Variants in LMO4 observed in about 807,000 individuals in gnomAD.
LMO4 encodes LIM domain transcription factor LMO4.
LMO4 carries 3 observed loss-of-function variants against 18.5 expected under a neutral mutation model. That is an observed-to-expected ratio of 0.16 (90% confidence interval 0.07 to 0.42). The LOEUF is 0.42. Among genes scored for constraint, LMO4 ranks in the 10% least tolerant of loss-of-function variants. The pLI, the probability that LMO4 is intolerant of heterozygous loss-of-function variation, is 0.99. For synonymous variants in LMO4, 100 were observed against 88.1 expected (o/e 1.14, Z -0.76); for missense variants, 121 against 219.9 (o/e 0.55, Z 2.84).
At chr1:87,332,960 C>T (rs553016226) in intron 2 of LMO4, among the ~76,000 whole-genome samples, 28 of 152,038 alleles carry the variant, frequency 1.8e-4, no homozygotes, top group Non-Finnish European at 3.1e-4. Context: ...GAAGCATGTT[C>T]AGGTTTTGGG....
chr1:87,336,928 C>T (rs931796602), intron 2 of LMO4, among the ~76,000 whole-genome samples: 6 of 152,086 alleles, frequency 3.9e-5, no homozygotes, highest in African/African-American at 1.2e-4. Flanking sequence ...TCCGGACAGT[C>T]CCCCTGGTTA....
chr1:87,340,879 A>G (rs780648334), intron 4 of LMO4, among the ~76,000 whole-genome samples: 1 of 152,234 alleles, frequency 6.6e-6, no homozygotes, highest in Non-Finnish European at 1.5e-5. Context: ...TCCTTGTACC[A>G]GAATTAAAAA....
chr1:87,333,725 A>C (rs1461401241), intron 2 of LMO4, among the ~76,000 whole-genome samples: 1 of 152,210 alleles, frequency 6.6e-6, no homozygotes, highest in Non-Finnish European at 1.5e-5. Context: ...TAATTTCACT[A>C]AGTGTTCTTT....
rs1650667487 is a variant in LMO4, at chr1:87,347,441, CA to C, written c.*2647del. The C allele has an allele frequency of 6.6e-6, 1 of 151,948 alleles. No individual in the cohort carries two copies. Among genetic ancestry groups the C allele is most frequent in the Non-Finnish European group, 1.5e-5 (1 of 67,994 alleles). The allele number at this position is 151,948 out of a possible 1,614,324, so 9.4% of individuals were successfully genotyped here. On this transcript the variant is annotated 3_prime_UTR_variant, in exon 5 of 5. Coordinates refer to ENST00000370544, the MANE Select transcript of LMO4 (RefSeq NM_006769.4). ...CAGCGATTGTGTGCAGTTCCTCCCCCAATCTCAACATTGCTTAGGAAAAAAA... is the reference window on the plus strand; with the variant it reads ...CAGCGATTGTGTGCAGTTCCTCCCCCATCTCAACATTGCTTAGGAAAAAAA...
intron 2 of LMO4, among the ~76,000 whole-genome samples, chr1:87,338,977 C>G (rs555959729): frequency 1.3e-5 from 2 of 152,122 alleles, no homozygotes; most frequent in Non-Finnish European, 2.9e-5. Context: ...GTGTTGACAC[C>G]ATGATTGAAA....
At position 87,345,689 on chromosome 1, in the gene LMO4, G is replaced by A. The variant is rs1488448946; in HGVS notation, c.*893G>A. 1 of 152,182 alleles carries A rather than the reference G, an allele frequency of 6.6e-6. No homozygotes were observed. Among genetic ancestry groups the A allele is most frequent in the Non-Finnish European group, 1.5e-5 (1 of 68,038 alleles). The allele number at this position is 152,182 out of a possible 1,614,324, so 9.4% of individuals were successfully genotyped here. A position where few individuals can be genotyped will look rare whatever the true frequency, so the allele number is the denominator to read the frequency against. On this transcript the variant is annotated 3_prime_UTR_variant, in exon 5 of 5. Transcript: ENST00000370544. ...CTCACTTTAAATTTGAAGGAGTTGA[G>A]GGAGGTGGAGTGTATATTTATTTAG...
chr1:87,331,647 A>AGGGGGCAGTGGGCGGAGGC (rs905561276), intron 1 of LMO4: 1 of 211,236 alleles, frequency 4.7e-6, no homozygotes, highest in African/African-American at 2.9e-5. Flanking sequence ...GGAGGGGAGG[A>AGGGGGCAGTGGGCGGAGGC]GGGGGCAGTG....
At chr1:87,339,054 G>C (rs994809533) in intron 2 of LMO4, among the ~76,000 whole-genome samples, 3 of 152,208 alleles carry the variant, frequency 2.0e-5, no homozygotes, top group Non-Finnish European at 2.9e-5. Flanking sequence ...AGTCTGCACT[G>C]ATGGAGGTTT....
chr1:87,344,898 C>A lies in LMO4; in HGVS notation c.*102C>A, dbSNP rs1025201579. On this transcript the variant is annotated 3_prime_UTR_variant, in exon 5 of 5. Coordinates refer to ENST00000370544, the MANE Select transcript of LMO4 (RefSeq NM_006769.4). Reference sequence around the variant, plus strand: ...GACAAGTCACCTTTGTAGCTAGCACCAGTGCCAGCTCCATGCCATTGCACC... The same window carrying A: ...GACAAGTCACCTTTGTAGCTAGCACAAGTGCCAGCTCCATGCCATTGCACC... 6 of 1,117,534 alleles carry A rather than the reference C, an allele frequency of 5.4e-6. 1 individual carries two copies. The Admixed American group carries it at 1.0e-4, about 19-fold the overall frequency. The allele number at this position is 1,117,534 out of a possible 1,614,324, so 69.2% of individuals were successfully genotyped here. A position where few individuals can be genotyped will look rare whatever the true frequency, so the allele number is the denominator to read the frequency against.
chr1:87,338,084 T>C (rs769274807), intron 2 of LMO4, among the ~76,000 whole-genome samples: 1 of 152,232 alleles, frequency 6.6e-6, no homozygotes, highest in African/African-American at 2.4e-5. Flanking sequence ...GGGGCAGTTT[T>C]ACTACTCTCC....
rs563324416 is a variant in LMO4, at chr1:87,348,114, A to T, written c.*3318A>T. The T allele has an allele frequency of 3.9e-5, 6 of 152,538 alleles. No homozygotes were observed. The South Asian group carries it at 8.3e-4, about 21-fold the overall frequency. 9.4% of individuals were successfully genotyped at this position (152,538 alleles called of 1,614,324 possible). The stretch of plus-strand genomic sequence containing the variant: ...AAGATTCTAATGTGCACTACTATTT[A>T]TATAAAATATTTCTTAGGGCCCATA... On this transcript the variant is annotated 3_prime_UTR_variant, in exon 5 of 5. Coordinates refer to ENST00000370544, the MANE Select transcript of LMO4 (RefSeq NM_006769.4).
intron 2 of LMO4, among the ~76,000 whole-genome samples, chr1:87,336,532 G>T (rs575115118): frequency 2.2e-3 from 342 of 152,328 alleles, no homozygotes; most frequent in Non-Finnish European, 3.1e-3. Context: ...AGCAAGGAGA[G>T]CTGGAGCTCA....
In LMO4 at chr1:87,347,502, G is replaced by C. The variant is rs1173383560; in HGVS notation, c.*2706G>C. The C allele has an allele frequency of 2.0e-5, 3 of 152,036 alleles. No homozygotes were observed. The highest frequency in any genetic ancestry group is 2.9e-5 in the Non-Finnish European group (2 of 68,014). The allele number at this position is 152,036 out of a possible 1,614,324, so 9.4% of individuals were successfully genotyped here. ...GAGTTTATTCCACCTTTCATCCATTGCATTTGTGATGTTATTAGTTAGCAA... is the reference window on the plus strand; with the variant it reads ...GAGTTTATTCCACCTTTCATCCATTCCATTTGTGATGTTATTAGTTAGCAA... On this transcript the variant is annotated 3_prime_UTR_variant, in exon 5 of 5. Coordinates refer to ENST00000370544, the MANE Select transcript of LMO4 (RefSeq NM_006769.4).
intron 1 of LMO4, chr1:87,331,776 T>TG (rs1365243467): frequency 6.9e-5 from 38 of 549,154 alleles, no homozygotes; most frequent in Non-Finnish European, 1.1e-4. Flanking sequence ...GCAGGAAAGT[T>TG]GAGAGGAGCT....
intron 2 of LMO4, 65 bp downstream of exon 2, chr1:87,332,316 G>A (rs1456545228): frequency 3.1e-6 from 4 of 1,296,892 alleles, no homozygotes; most frequent in Non-Finnish European, 4.4e-6. Context: ...AGGTTAACAG[G>A]GTTGTGAGGA....
At position 87,346,154 on chromosome 1, in the gene LMO4, G is replaced by A. The variant is rs1650620980; in HGVS notation, c.*1358G>A. On this transcript the variant is annotated 3_prime_UTR_variant, in exon 5 of 5. Coordinates refer to ENST00000370544, the MANE Select transcript of LMO4 (RefSeq NM_006769.4). ...AGGCTCGTGTGGTTGGCTGTAAGGT[G>A]TTTATTTTGTTTTGCTCCTACACTT... The A allele has an allele frequency of 1.3e-5, 2 of 152,138 alleles. No homozygotes were observed. Among genetic ancestry groups the A allele is most frequent in the African/African-American group, 4.8e-5 (2 of 41,436 alleles). 9.4% of individuals were successfully genotyped at this position (152,138 alleles called of 1,614,324 possible).
chr1:87,331,765 C>G, intron 1 of LMO4: 1 of 516,828 alleles, frequency 1.9e-6, no homozygotes, highest in Non-Finnish European at 3.4e-6. Flanking sequence ...CGGCGGCAAG[C>G]GCAGGAAAGT....
intron 1 of LMO4, among the ~76,000 whole-genome samples, chr1:87,330,013 T>C (rs994701812): frequency 1.2e-4 from 18 of 151,658 alleles, no homozygotes; most frequent in Non-Finnish European, 2.4e-4. Flanking sequence ...TCTTTTTTTT[T>C]TTTTTTTTTC....
At position 87,336,265 on chromosome 1, in the gene LMO4, C is replaced by A. The variant is rs191841447; in HGVS notation, c.237-3271C>A. On this transcript the variant is annotated intron_variant, in intron 2 of 4. Transcript: ENST00000370544. ...TCAGTAGCTGTGGATGTGCTTTTTT[C>A]TCCTCAGATAGGTTGCTGATATTTA... Among the ~76,000 whole-genome samples the A allele has an allele frequency of 2.2e-3, 340 of 152,260 alleles. 1 individual carries two copies. Among genetic ancestry groups the A allele is most frequent in the African/African-American group, 7.8e-3 (326 of 41,538 alleles).
Sources: allele counts gnomAD v4.1 joint callset (sites outside exome capture counted in the v4.1 genomes callset), GRCh38; gene constraint gnomAD v4.1.1; transcripts MANE v1.5; gene names NCBI Gene and HGNC (gene_info 2026-07-23, HGNC 2026-07-21).